SDAD1: variants seen among roughly 807,000 people sequenced by gnomAD.
SDAD1 encodes the protein protein SDA1 homolog.
SDAD1 carries 79 observed loss-of-function variants against 100.3 expected under a neutral mutation model. That is an observed-to-expected ratio of 0.79 (90% CI 0.66 to 0.95). The LOEUF (loss-of-function observed/expected upper bound fraction) is 0.95. Among genes scored for constraint, SDAD1 ranks in the 40% least tolerant of loss-of-function variants. The pLI is 0.00. For synonymous variants in SDAD1, 267 were observed against 271.4 expected, an observed-to-expected ratio of 0.98 and a Z score of 0.16; for missense variants, 790 against 810.9, an observed-to-expected ratio of 0.97 and a Z score of 0.31.
intron 17 of SDAD1, among the ~76,000 whole-genome samples, chr4:75,959,515 G>A (rs1578117740): frequency 6.6e-6 from 1 of 151,886 alleles, no homozygotes; most frequent in South Asian, 2.1e-4. Flanking sequence ...GAGGCAGGAG[G>A]ATCGCTTGAA....
chr4:75,977,539 C>T, intron 4 of SDAD1, 107 bp downstream of exon 4: 1 of 760,888 alleles, frequency 1.3e-6, no homozygotes, highest in Admixed American at 2.2e-5. Context: ...GTTGCTTTTT[C>T]CTGTTAAAGT....
At chr4:75,958,017 C>G (rs1729006377) in intron 17 of SDAD1, 76 bp from the exon 18 acceptor site, 1 of 1,179,366 alleles carries the variant, frequency 8.5e-7, no homozygotes, top group South Asian at 1.2e-5. Flanking sequence ...AAGCAAGCAA[C>G]AGAAAAGTAA....
intron 21 of SDAD1, among the ~76,000 whole-genome samples, chr4:75,953,170 A>G (rs769470276): frequency 2.6e-5 from 4 of 152,260 alleles, no homozygotes; most frequent in Admixed American, 6.5e-5. Context: ...CAACAAGTGC[A>G]TATGTCCAAT....
intron 1 of SDAD1, among the ~76,000 whole-genome samples, chr4:75,988,476 C>A (rs1463194042): frequency 6.6e-6 from 1 of 152,128 alleles, no homozygotes; most frequent in Non-Finnish European, 1.5e-5. Context: ...TCAAGAAGAC[C>A]TTCCCTAACT....
intron 3 of SDAD1, among the ~76,000 whole-genome samples, chr4:75,978,419 A>G (rs1730283274): frequency 6.6e-6 from 1 of 150,736 alleles, no homozygotes; most frequent in South Asian, 2.1e-4. Context: ...GCTGGTTTCA[A>G]GCTCCTGGAA....
At chr4:75,983,326 T>G (rs574732999) in intron 1 of SDAD1, among the ~76,000 whole-genome samples, 1 of 152,340 alleles carries the variant, frequency 6.6e-6, no homozygotes, top group African/African-American at 2.4e-5. Context: ...GATGGCTGGG[T>G]CAAATGGTAT....
At chr4:75,975,033 T>C (rs1030339624) in intron 6 of SDAD1, among the ~76,000 whole-genome samples, 1 of 151,604 alleles carries the variant, frequency 6.6e-6, no homozygotes, top group African/African-American at 2.4e-5. Flanking sequence ...AGAGCAAGAC[T>C]TTCTCAAAAA....
chr4:75,985,862 C>T (rs1730860837), intron 1 of SDAD1, among the ~76,000 whole-genome samples: 1 of 152,188 alleles, frequency 6.6e-6, no homozygotes, highest in Admixed American at 6.5e-5. Context: ...TCATCAGAAT[C>T]CACAGTCCAC....
In SDAD1 at chr4:75,950,845, T is replaced by C. The variant is rs751230340; in HGVS notation, c.2017-48A>G. The C allele has an allele frequency of 6.1e-6, 8 of 1,315,918 alleles. No individual in the cohort carries two copies. In the South Asian group the frequency reaches 6.8e-5, roughly 11 times the overall value. The allele number at this position is 1,315,918 out of a possible 1,614,324, so 81.5% of individuals were successfully genotyped here. A position where few individuals can be genotyped will look rare whatever the true frequency, so the allele number is the denominator to read the frequency against. On this transcript the variant is annotated intron_variant, in intron 21 of 21. Coordinates refer to ENST00000356260, the MANE Select transcript of SDAD1 (RefSeq NM_018115.4). ...AACATGATAACTCTTGGGTACCCTATTATACGAATTTGGTTACATGAAAGT... is the reference window on the plus strand; with the variant it reads ...AACATGATAACTCTTGGGTACCCTACTATACGAATTTGGTTACATGAAAGT...
intron 4 of SDAD1, among the ~76,000 whole-genome samples, chr4:75,977,082 T>C (rs1730196919): frequency 6.6e-6 from 1 of 152,192 alleles, no homozygotes; most frequent in Admixed American, 6.5e-5. Context: ...TGAGCCACAG[T>C]GTCCAGCCAA....
At position 75,961,027 on chromosome 4, in the gene SDAD1, C is replaced by T. The variant is rs765927426; in HGVS notation, c.1356+1G>A. On this transcript the variant is annotated splice_donor_variant, in intron 16 of 21. Coordinates refer to ENST00000356260, the MANE Select transcript of SDAD1 (RefSeq NM_018115.4). LOFTEE classifies it high-confidence loss of function. Reference sequence around the variant, plus strand: ...GACCAACATAAGTGTGCTTTACCTACCCGGAATTTCTTCTGCAGCATCTGA... The same window carrying T: ...GACCAACATAAGTGTGCTTTACCTATCCGGAATTTCTTCTGCAGCATCTGA... 2 of 1,613,274 alleles carry T rather than the reference C, an allele frequency of 1.2e-6. No homozygotes were observed. The highest frequency in any genetic ancestry group is 2.2e-5 in the South Asian group (2 of 91,066).
At chr4:75,984,700 C>G (rs1730763907) in intron 1 of SDAD1, among the ~76,000 whole-genome samples, 1 of 151,694 alleles carries the variant, frequency 6.6e-6, no homozygotes, top group Non-Finnish European at 1.5e-5. Context: ...TTCCACAGTT[C>G]CATGCCTTAC....
chr4:75,989,643 T>C (rs1197035505), intron 1 of SDAD1, among the ~76,000 whole-genome samples: 1 of 152,258 alleles, frequency 6.6e-6, no homozygotes, highest in African/African-American at 2.4e-5. Flanking sequence ...GCAGGAGTTA[T>C]CTAACGGAAT....
chr4:75,980,025 C>T (rs900973732), intron 3 of SDAD1, among the ~76,000 whole-genome samples: 3 of 152,098 alleles, frequency 2.0e-5, no homozygotes, highest in African/African-American at 7.2e-5. Context: ...TGCCCACAGA[C>T]CAGTTTGGTG....
At chr4:75,963,409 T>C (rs973793778) in intron 14 of SDAD1, among the ~76,000 whole-genome samples, 3 of 152,204 alleles carry the variant, frequency 2.0e-5, no homozygotes, top group African/African-American at 7.2e-5. Context: ...AAAGTAGTTT[T>C]TTCCAATTCT....
chr4:75,953,502 T>C (rs1163683576), intron 21 of SDAD1, among the ~76,000 whole-genome samples: 1 of 152,194 alleles, frequency 6.6e-6, no homozygotes, highest in African/African-American at 2.4e-5. Flanking sequence ...TTAGAGTACT[T>C]AAAATCCTAA....
At chr4:75,959,768 AT>A (rs1301431237) in intron 17 of SDAD1, among the ~76,000 whole-genome samples, 1 of 152,062 alleles carries the variant, frequency 6.6e-6, no homozygotes, top group Admixed American at 6.5e-5. Flanking sequence ...AACCCCCGTA[AT>A]TTTTTCTAGG....
At chr4:75,961,692 C>T (rs1729239504) in intron 14 of SDAD1, among the ~76,000 whole-genome samples, 1 of 152,184 alleles carries the variant, frequency 6.6e-6, no homozygotes, top group Non-Finnish European at 1.5e-5. Context: ...CTTATCAGGA[C>T]AGATTAGACA....
At chr4:75,986,101 G>T (rs1460026992) in intron 1 of SDAD1, among the ~76,000 whole-genome samples, 1 of 152,030 alleles carries the variant, frequency 6.6e-6, no homozygotes, top group East Asian at 1.9e-4. Context: ...TCGGCTAATT[G>T]GTGTCATTTT....
Sources: gnomAD v4.1 joint callset for allele counts (sites outside exome capture counted in the v4.1 genomes callset) on GRCh38, gnomAD v4.1.1 for gene constraint, MANE v1.5 for transcripts, NCBI Gene and HGNC (gene_info 2026-07-23, HGNC 2026-07-21) for gene names.